The following LAPTM4B variants were observed in gnomAD, a reference collection of about 807,000 sequenced individuals.
LAPTM4B encodes lysosomal-associated transmembrane protein 4B.
Under a neutral mutation model 28.5 loss-of-function variants are expected in LAPTM4B, and 26 were observed. That is an observed-to-expected ratio of 0.91 (90% confidence interval 0.67 to 1.27). LAPTM4B has a LOEUF of 1.27. Ranked by LOEUF, LAPTM4B falls within the 50% of genes most tolerant of loss-of-function variation. The pLI is 0.00. For synonymous variants in LAPTM4B, 109 were observed against 106.4 expected, an observed-to-expected ratio of 1.02 and a Z score of -0.15; for missense variants, 288 against 285.8, an observed-to-expected ratio of 1.01 and a Z score of -0.06.
chr8:97,776,060 G>T lies in LAPTM4B; in HGVS notation c.51G>T (p.Leu17Phe). The stretch of plus-strand genomic sequence containing the variant: ...GGTTCTACTCCAACAGCTGCTGCTT[G>T]TGCTGCCATGTCCGCACCGGCACCA... ...WTRFYSNSCC[L>F]CCHVRTGTIL... Residue 17 changes from leucine to phenylalanine, a missense_variant, in exon 1 of 7, where the codon TTG becomes TTT. By Grantham distance (22) the Leu-to-Phe change is conservative. Transcript: ENST00000521545. The T allele has an allele frequency of 6.3e-7, 1 of 1,588,524 alleles. No homozygotes were observed. The highest frequency in any genetic ancestry group is 2.4e-5 in the East Asian group (1 of 41,380).
At chr8:97,813,938 C>T (rs1001908837) in intron 2 of LAPTM4B, among the ~76,000 whole-genome samples, 2 of 152,042 alleles carry the variant, frequency 1.3e-5, no homozygotes, top group African/African-American at 4.8e-5. Flanking sequence ...GTTTGGGGTT[C>T]ATTTTTATAA....
chr8:97,839,151 A>G (rs1281617661), intron 6 of LAPTM4B, among the ~76,000 whole-genome samples: 5 of 151,190 alleles, frequency 3.3e-5, no homozygotes, highest in African/African-American at 4.9e-5. Flanking sequence ...CTCGGCTCCT[A>G]TTTCTTTCCT....
At chr8:97,804,500 A>G (rs941087582) in intron 1 of LAPTM4B, among the ~76,000 whole-genome samples, 4 of 152,168 alleles carry the variant, frequency 2.6e-5, no homozygotes, top group African/African-American at 4.8e-5. Context: ...ACAGCTTGGT[A>G]GTTGTTTGTT....
intron 1 of LAPTM4B, among the ~76,000 whole-genome samples, chr8:97,792,993 C>A (rs1433278389): frequency 6.6e-6 from 1 of 151,950 alleles, no homozygotes; most frequent in East Asian, 1.9e-4. Flanking sequence ...CCTCAGAAAT[C>A]ATACAAAGGA....
At chr8:97,850,474 G>GTGTA (rs1554594404) in intron 6 of LAPTM4B, among the ~76,000 whole-genome samples, 1 of 146,264 alleles carries the variant, frequency 6.8e-6, no homozygotes, top group Admixed American at 6.7e-5. Flanking sequence ...GGGTGTGTGT[G>GTGTA]TGTGTGTGTG....
At chr8:97,839,041 A>G (rs911477655) in intron 6 of LAPTM4B, among the ~76,000 whole-genome samples, 1 of 152,222 alleles carries the variant, frequency 6.6e-6, no homozygotes, top group African/African-American at 2.4e-5. Flanking sequence ...ATATCAAAGC[A>G]TCATGGGTGA....
chr8:97,826,882 CAAATAA>C (rs1029779145), intron 6 of LAPTM4B, among the ~76,000 whole-genome samples: 24 of 152,030 alleles, frequency 1.6e-4, no homozygotes, highest in African/African-American at 5.8e-4. Flanking sequence ...TTTCTTAAAA[CAAATAA>C]AAAGTCCATA....
Position 97,805,471 on chromosome 8 carries a change from A to G in LAPTM4B, c.211+7A>G. ...GAGTTCATGGATGATGCCAGTAAGT[A>G]GTAGATATTTGGGTATTTTCAAGGG... On this transcript the variant is annotated splice_region_variant and intron_variant, in intron 2 of 6. Coordinates refer to ENST00000521545, the MANE Select transcript of LAPTM4B (RefSeq NM_018407.6). The G allele has an allele frequency of 6.9e-7, 1 of 1,442,612 alleles. No homozygotes were observed. The highest frequency in any genetic ancestry group is 1.2e-5 in the South Asian group (1 of 86,482). 89.4% of individuals were successfully genotyped at this position (1,442,612 alleles called of 1,614,324 possible).
intron 1 of LAPTM4B, among the ~76,000 whole-genome samples, chr8:97,781,600 T>C (rs2129719353): frequency 6.6e-6 from 1 of 152,232 alleles, no homozygotes; most frequent in African/African-American, 2.4e-5. Flanking sequence ...AAATGTAGTT[T>C]ATTGAGTTGA....
Position 97,800,484 on chromosome 8 carries a change from C to CTTTTTTTTTTTTTT in LAPTM4B, c.100-4855_100-4842dup, listed in dbSNP as rs546425169. 2.3e-4 allele frequency among the ~76,000 whole-genome samples: 16 copies of CTTTTTTTTTTTTTT among 69,326 alleles called. 3 individuals are homozygous for CTTTTTTTTTTTTTT. Among genetic ancestry groups the CTTTTTTTTTTTTTT allele is most frequent in the African/African-American group, 1.2e-3 (16 of 13,392 alleles). The allele number at this position is 69,326 out of a possible 152,430, so 45.5% of individuals were successfully genotyped here. On this transcript the variant is annotated intron_variant, in intron 1 of 6. Transcript: ENST00000521545. ...CTTCTGTAATATTACCCCTTGACCT[C>CTTTTTTTTTTTTTT]TTTTTTTTTTTTTTTTTTTTTTTTT... is the stretch of plus-strand genomic sequence containing the variant.
intron 1 of LAPTM4B, among the ~76,000 whole-genome samples, chr8:97,779,710 T>C (rs1816279922): frequency 6.7e-6 from 1 of 149,880 alleles, no homozygotes; most frequent in Non-Finnish European, 1.5e-5. Flanking sequence ...GCTTGAACTC[T>C]GGAGGTGGAA....
chr8:97,798,133 G>T (rs1309436000), intron 1 of LAPTM4B, among the ~76,000 whole-genome samples: 2 of 152,126 alleles, frequency 1.3e-5, no homozygotes, highest in Non-Finnish European at 2.9e-5. Flanking sequence ...TTTATTCTTG[G>T]TTAGAATGGA....
rs1586334300 is a variant in LAPTM4B at position 97,817,677 on chromosome 8, T to G, written c.409-1463T>G. ...CTTTTCCAGGCTGGTCTCAAACATT[T>G]AGCCTCAGAGGATCCACCCTCATCG... is the stretch of plus-strand genomic sequence containing the variant. On this transcript the variant is annotated intron_variant, in intron 4 of 6. Coordinates refer to ENST00000521545, the MANE Select transcript of LAPTM4B (RefSeq NM_018407.6). Among the ~76,000 whole-genome samples the G allele has an allele frequency of 2.0e-5, 3 of 152,120 alleles. No homozygotes were observed. In the South Asian group the frequency reaches 6.3e-4, roughly 32 times the overall value.
chr8:97,829,754 C>T (rs1411321018), intron 6 of LAPTM4B, among the ~76,000 whole-genome samples: 2 of 151,340 alleles, frequency 1.3e-5, no homozygotes, highest in Non-Finnish European at 2.9e-5. Context: ...TGCAGTGGCA[C>T]AACCTCGCTC....
rs1295254582 is a variant in LAPTM4B at position 97,789,365 on chromosome 8, C to T, written c.99+13257C>T. On this transcript the variant is annotated intron_variant, in intron 1 of 6. Coordinates refer to ENST00000521545, the MANE Select transcript of LAPTM4B (RefSeq NM_018407.6). Reference sequence around the variant, plus strand: ...CTGGGATTACAAGTGTGAGCCACCACGCCTGGCCTGTTTTTTTGAGGTAGA... The same window carrying T: ...CTGGGATTACAAGTGTGAGCCACCATGCCTGGCCTGTTTTTTTGAGGTAGA... 9.9e-5 allele frequency among the ~76,000 whole-genome samples: 13 copies of T among 130,688 alleles called. No homozygotes were observed. The East Asian group carries it at 1.9e-3, about 19-fold the overall frequency. 85.7% of individuals were successfully genotyped at this position (130,688 alleles called of 152,430 possible). A position where few individuals can be genotyped will look rare whatever the true frequency, so the allele number is the denominator to read the frequency against.
At chr8:97,781,029 G>A (rs186705427) in intron 1 of LAPTM4B, among the ~76,000 whole-genome samples, 2,542 of 150,792 alleles carry the variant, frequency 0.017, 38 homozygotes, top group Non-Finnish European at 0.026. Context: ...TCGCTCTGAC[G>A]CCCAGGCTGG....
intron 1 of LAPTM4B, among the ~76,000 whole-genome samples, chr8:97,789,038 CTTTATTTATTTA>C (rs71570264): frequency 0.086 from 12,044 of 140,710 alleles, 656 homozygotes; most frequent in Non-Finnish European, 0.12. Context: ...GGTGCTCACT[CTTTATTTATTTA>C]TTTATTTATT....
intron 5 of LAPTM4B, among the ~76,000 whole-genome samples, chr8:97,823,363 T>TG (rs1354395192): frequency 1.5e-5 from 2 of 129,752 alleles, no homozygotes; most frequent in African/African-American, 5.6e-5. Flanking sequence ...TTTGTTTTTT[T>TG]TTTGTTGTTG....
At chr8:97,829,323 A>C (rs183159332) in intron 6 of LAPTM4B, among the ~76,000 whole-genome samples, 2 of 152,340 alleles carry the variant, frequency 1.3e-5, no homozygotes, top group East Asian at 3.9e-4. Context: ...GGGTAGCCAA[A>C]GATCGAGCAA....
Sources: gnomAD v4.1 joint callset for allele counts (sites outside exome capture counted in the v4.1 genomes callset) on GRCh38, gnomAD v4.1.1 for gene constraint, MANE v1.5 for transcripts, NCBI Gene and HGNC (gene_info 2026-07-23, HGNC 2026-07-21) for gene names.